Variants in CDKAL1 observed in about 807,000 individuals in gnomAD.
CDKAL1 encodes CDKAL1 threonylcarbamoyladenosine tRNA methylthiotransferase, also known as threonylcarbamoyladenosine tRNA methylthiotransferase.
A neutral mutation model predicts 68.2 loss-of-function variants in CDKAL1; 32 were observed. That is an observed-to-expected ratio of 0.47 (90% CI 0.35 to 0.63). The LOEUF (loss-of-function observed/expected upper bound fraction) is 0.63, where lower values mean the gene tolerates loss of function less well. CDKAL1 is among the 30% of genes least tolerant of loss of function. CDKAL1 has a pLI of 0.00. For missense variants in CDKAL1, 606 were observed against 696.7 expected (o/e 0.87, Z 1.47); for synonymous variants, 234 against 244.3 (o/e 0.96, Z 0.39).
chr6:20,645,156 GAGT>G (rs2127755451), intron 4 of CDKAL1, among the ~76,000 whole-genome samples: 1 of 152,284 alleles, frequency 6.6e-6, no homozygotes, highest in South Asian at 2.1e-4. Flanking sequence ...TGCTCTGGGT[GAGT>G]CAGTGAGTGG....
intron 5 of CDKAL1, among the ~76,000 whole-genome samples, chr6:20,697,293 G>A (rs1771148908): frequency 6.6e-6 from 1 of 152,094 alleles, no homozygotes; most frequent in African/African-American, 2.4e-5. Context: ...CATCATTGTT[G>A]GAAAATAATG....
At chr6:20,952,338 T>C (rs564347723) in intron 9 of CDKAL1, among the ~76,000 whole-genome samples, 1 of 152,304 alleles carries the variant, frequency 6.6e-6, no homozygotes, top group Non-Finnish European at 1.5e-5. Context: ...GGGACTATCT[T>C]ACTGAACCTG....
chr6:21,181,258 G>A (rs550328651), intron 13 of CDKAL1, among the ~76,000 whole-genome samples: 1 of 152,146 alleles, frequency 6.6e-6, no homozygotes, highest in Admixed American at 6.5e-5. Context: ...TCTTACAATG[G>A]CACTTAAATT....
At chr6:20,825,906 C>G (rs1038723224) in intron 8 of CDKAL1, among the ~76,000 whole-genome samples, 5 of 152,090 alleles carry the variant, frequency 3.3e-5, no homozygotes, top group African/African-American at 1.2e-4. Flanking sequence ...TATCTCCTCT[C>G]CATTCTATTT....
chr6:21,119,721 T>A (rs1774605998), intron 13 of CDKAL1, among the ~76,000 whole-genome samples: 1 of 152,180 alleles, frequency 6.6e-6, no homozygotes, highest in African/African-American at 2.4e-5. Flanking sequence ...CCCACACAAT[T>A]TCTTAGGGGT....
intron 15 of CDKAL1, among the ~76,000 whole-genome samples, chr6:21,203,637 C>G (rs1778782808): frequency 6.6e-6 from 1 of 151,488 alleles, no homozygotes; most frequent in African/African-American, 2.4e-5. Flanking sequence ...CTTGGTCTCC[C>G]TGGCATCTAA....
At chr6:20,977,153 A>G (rs981920683) in intron 10 of CDKAL1, among the ~76,000 whole-genome samples, 4 of 152,232 alleles carry the variant, frequency 2.6e-5, no homozygotes, top group Admixed American at 2.6e-4. Flanking sequence ...ACCTAGTGTA[A>G]TTAATATCCC....
At chr6:20,909,185 ATGTGTGTG>A (rs57042223) in intron 9 of CDKAL1, among the ~76,000 whole-genome samples, 222 of 119,266 alleles carry the variant, frequency 1.9e-3, no homozygotes, top group Middle Eastern at 8.4e-3. Context: ...GTGTGCATGT[ATGTGTGTG>A]TGTGTGTGTG....
At chr6:20,859,210 A>G (rs1759488290) in intron 9 of CDKAL1, among the ~76,000 whole-genome samples, 1 of 151,888 alleles carries the variant, frequency 6.6e-6, no homozygotes, top group Non-Finnish European at 1.5e-5. Context: ...TATTCTGAAA[A>G]TTTTCTTTTA....
intron 15 of CDKAL1, among the ~76,000 whole-genome samples, chr6:21,230,589 T>C (rs1366946491): frequency 2.0e-5 from 3 of 152,186 alleles, no homozygotes; most frequent in South Asian, 2.1e-4. Context: ...GCCTTGATTT[T>C]CTATAAACAC....
rs35444529 is a variant in CDKAL1, at chr6:20,647,559, C to CA, written c.287-1728dup. Among the ~76,000 whole-genome samples the CA allele has an allele frequency of 8.3e-3, 1,261 of 152,060 alleles. 20 individuals are homozygous for CA. Among genetic ancestry groups the CA allele is most frequent in the African/African-American group, 0.024 (1,016 of 41,490 alleles). On this transcript the variant is annotated intron_variant, in intron 4 of 15. Coordinates refer to ENST00000274695, the MANE Select transcript of CDKAL1 (RefSeq NM_017774.3). ...CTCTTAAATAGTAGTAAAGACAGGC[C>CA]AAAAAATGAATGATTTTCAGTGTAC... is the stretch of plus-strand genomic sequence containing the variant.
intron 11 of CDKAL1, among the ~76,000 whole-genome samples, chr6:21,039,098 C>A (rs746890845): frequency 2.0e-5 from 3 of 152,152 alleles, no homozygotes; most frequent in Non-Finnish European, 4.4e-5. Flanking sequence ...TGTTAGGATC[C>A]GGGCCACTCA....
chr6:21,226,312 G>A (rs1261810972), intron 15 of CDKAL1, among the ~76,000 whole-genome samples: 1 of 145,660 alleles, frequency 6.9e-6, no homozygotes, highest in African/African-American at 2.6e-5. Flanking sequence ...TGAAATTTTG[G>A]TATCCATACT....
chr6:21,029,578 C>T (rs1769154050), intron 11 of CDKAL1, among the ~76,000 whole-genome samples: 2 of 152,030 alleles, frequency 1.3e-5, no homozygotes, highest in Non-Finnish European at 2.9e-5. Flanking sequence ...TTGCAATCTA[C>T]TTATCTGGCA....
intron 8 of CDKAL1, among the ~76,000 whole-genome samples, chr6:20,807,138 T>C (rs1776604629): frequency 6.6e-6 from 1 of 152,246 alleles, no homozygotes; most frequent in African/African-American, 2.4e-5. Context: ...TTTGACTTGC[T>C]CTACCACACA....
At chr6:20,836,739 C>T (rs990975579) in intron 8 of CDKAL1, among the ~76,000 whole-genome samples, 6 of 151,958 alleles carry the variant, frequency 3.9e-5, no homozygotes, top group African/African-American at 1.5e-4. Context: ...TTTATCATTC[C>T]CTTCTCCTGT....
intron 5 of CDKAL1, among the ~76,000 whole-genome samples, chr6:20,709,312 T>A (rs1200003168): frequency 1.3e-5 from 2 of 152,074 alleles, no homozygotes; most frequent in African/African-American, 4.8e-5. Flanking sequence ...ATTTTTTTTT[T>A]AATAGATTGA....
At chr6:21,203,129 A>G (rs1354797650) in intron 15 of CDKAL1, among the ~76,000 whole-genome samples, 1 of 150,908 alleles carries the variant, frequency 6.6e-6, no homozygotes, top group Non-Finnish European at 1.5e-5. Context: ...AGCTCATTGC[A>G]AACTCTGCCT....
intron 10 of CDKAL1, among the ~76,000 whole-genome samples, chr6:20,999,897 C>G (rs539214953): frequency 2.0e-5 from 3 of 152,026 alleles, no homozygotes; most frequent in Admixed American, 6.5e-5. Flanking sequence ...ATGTAAAACT[C>G]CTTGGAAGTG....
Sources: gnomAD v4.1 joint callset for allele counts (sites outside exome capture counted in the v4.1 genomes callset) on GRCh38, gnomAD v4.1.1 for gene constraint, MANE v1.5 for transcripts, NCBI Gene and HGNC (gene_info 2026-07-23, HGNC 2026-07-21) for gene names.